Variants in AP4E1 observed in about 807,000 individuals in gnomAD.
AP4E1 encodes the protein AP-4 complex subunit epsilon-1.
A neutral mutation model predicts 128.2 loss-of-function variants in AP4E1; 56 were observed. That is an observed-to-expected ratio of 0.44 (90% CI 0.35 to 0.55). The LOEUF is 0.55. Ranked by LOEUF, AP4E1 falls within the 20% of genes least tolerant of loss-of-function variation. AP4E1 has a pLI of 0.00. For synonymous variants in AP4E1, 484 were observed against 473.1 expected, an observed-to-expected ratio of 1.02 and a Z score of -0.30; for missense variants, 1,324 against 1,307.7, an observed-to-expected ratio of 1.01 and a Z score of -0.19.
intron 17 of AP4E1, among the ~76,000 whole-genome samples, chr15:50,995,605 C>G (rs1411223182): frequency 1.3e-5 from 2 of 151,884 alleles, no homozygotes; most frequent in African/African-American, 4.8e-5. Context: ...AGGCTGGTCT[C>G]AAACTCCCGA....
intron 13 of AP4E1, among the ~76,000 whole-genome samples, chr15:50,956,324 C>T (rs1315209707): frequency 2.0e-5 from 3 of 152,170 alleles, no homozygotes; most frequent in Non-Finnish European, 4.4e-5. Flanking sequence ...CTTCTCTTCT[C>T]TTCCTTCTTA....
chr15:50,996,215 C>G (rs926832249), intron 17 of AP4E1, among the ~76,000 whole-genome samples: 2 of 138,208 alleles, frequency 1.4e-5, no homozygotes, highest in Non-Finnish European at 3.1e-5. Context: ...CCAAGCTGGT[C>G]TTGAACTCCT....
At chr15:50,964,933 TA>T (rs1342331720) in intron 14 of AP4E1, among the ~76,000 whole-genome samples, 1 of 130,196 alleles carries the variant, frequency 7.7e-6, no homozygotes, top group Non-Finnish European at 1.6e-5. Context: ...CTGGTTATTG[TA>T]AAGTATAACA....
intron 3 of AP4E1, among the ~76,000 whole-genome samples, chr15:50,918,716 C>T (rs1227708456): frequency 2.6e-5 from 4 of 152,066 alleles, no homozygotes; most frequent in African/African-American, 9.7e-5. Context: ...CACATTCACT[C>T]TCTTTTATAT....
chr15:50,993,660 G>A, intron 17 of AP4E1, 35 bp downstream of exon 17: 1 of 1,612,950 alleles, frequency 6.2e-7, no homozygotes, highest in Non-Finnish European at 8.5e-7. Context: ...AAGAATCTTT[G>A]TCATCTGTCT....
intron 15 of AP4E1, among the ~76,000 whole-genome samples, chr15:50,974,202 G>A (rs1345346229): frequency 6.6e-6 from 1 of 151,738 alleles, no homozygotes; most frequent in African/African-American, 2.4e-5. Flanking sequence ...CTGACTTCAA[G>A]TGATCCACCT....
chr15:50,915,041 G>T (rs1047891011), intron 2 of AP4E1, among the ~76,000 whole-genome samples: 14 of 152,130 alleles, frequency 9.2e-5, no homozygotes, highest in African/African-American at 3.4e-4. Flanking sequence ...ACCAACTTGT[G>T]GGAATTTTAT....
intron 10 of AP4E1, among the ~76,000 whole-genome samples, chr15:50,946,777 C>A (rs1376901596): frequency 6.6e-6 from 1 of 152,188 alleles, no homozygotes; most frequent in Non-Finnish European, 1.5e-5. Flanking sequence ...AAACCTTAAT[C>A]TAGAGCTGTG....
intron 14 of AP4E1, among the ~76,000 whole-genome samples, chr15:50,962,219 C>G (rs896024486): frequency 1.3e-5 from 2 of 151,896 alleles, no homozygotes; most frequent in African/African-American, 4.8e-5. Flanking sequence ...AATGTACTAT[C>G]AAAATACCAA....
chr15:50,908,696 GC>G lies in AP4E1; in HGVS notation c.-81del. 2 of 1,376,254 alleles carry G rather than the reference GC, an allele frequency of 1.5e-6. No homozygotes were observed. The highest frequency in any genetic ancestry group is 9.4e-7 in the Non-Finnish European group (1 of 1,063,538). The allele number at this position is 1,376,254 out of a possible 1,614,324, so 85.3% of individuals were successfully genotyped here. ...CAAAAAACAGGAAGTGCCTACGGAG[GC>G]CGGGCCGGCAGCGGCGGCCGGGCAT... On this transcript the variant is annotated 5_prime_UTR_variant, in exon 1 of 21. Coordinates refer to ENST00000261842, the MANE Select transcript of AP4E1 (RefSeq NM_007347.5).
intron 16 of AP4E1, among the ~76,000 whole-genome samples, chr15:50,988,215 G>T (rs1490152662): frequency 6.6e-6 from 1 of 152,176 alleles, no homozygotes; most frequent in Non-Finnish European, 1.5e-5. Flanking sequence ...ATTATAAATT[G>T]AAAATATCGT....
chr15:50,938,360 C>G (rs1295642808), intron 8 of AP4E1, among the ~76,000 whole-genome samples: 1 of 152,120 alleles, frequency 6.6e-6, no homozygotes, highest in Non-Finnish European at 1.5e-5. Context: ...TCTATTCCTT[C>G]CAAGCATAGG....
At chr15:50,987,985 T>C (rs2064752098) in intron 16 of AP4E1, among the ~76,000 whole-genome samples, 1 of 152,156 alleles carries the variant, frequency 6.6e-6, no homozygotes, top group African/African-American at 2.4e-5. Flanking sequence ...TTTAGAAGCA[T>C]ATTAGAATTT....
At chr15:50,925,847 A>G (rs1596461940) in intron 5 of AP4E1, among the ~76,000 whole-genome samples, 1 of 149,172 alleles carries the variant, frequency 6.7e-6, no homozygotes, top group Non-Finnish European at 1.5e-5. Context: ...CTGGTCTCGA[A>G]CTCCTGACCT....
At chr15:50,956,179 A>C (rs1044535628) in intron 13 of AP4E1, among the ~76,000 whole-genome samples, 3 of 152,206 alleles carry the variant, frequency 2.0e-5, no homozygotes, top group African/African-American at 7.2e-5. Flanking sequence ...AGAAGCAGAC[A>C]TCCATTACCA....
chr15:50,951,729 T>TC (rs986153629), intron 13 of AP4E1, among the ~76,000 whole-genome samples: 4 of 147,706 alleles, frequency 2.7e-5, no homozygotes, highest in African/African-American at 7.4e-5. Flanking sequence ...TTTCTTTCTT[T>TC]TTTTTTTTTT....
chr15:50,960,157 A>G (rs80143414), intron 14 of AP4E1, among the ~76,000 whole-genome samples: 7,071 of 152,236 alleles, frequency 0.046, 162 homozygotes, highest in African/African-American at 0.071. Flanking sequence ...GAGAGGTAGA[A>G]CCCCATACAG....
intron 3 of AP4E1, chr15:50,918,121 A>G (rs1186652319): frequency 1.3e-5 from 2 of 152,268 alleles, no homozygotes; most frequent in East Asian, 3.9e-4. Context: ...AAAAAGTTAT[A>G]GTATAATGTT....
At chr15:50,979,661 A>T (rs1301225837) in intron 15 of AP4E1, among the ~76,000 whole-genome samples, 1 of 152,086 alleles carries the variant, frequency 6.6e-6, no homozygotes, top group Non-Finnish European at 1.5e-5. Flanking sequence ...AGTAGCTGGG[A>T]TTACAGGCGT....
Sources: gnomAD v4.1 joint callset for allele counts (sites outside exome capture counted in the v4.1 genomes callset) on GRCh38, gnomAD v4.1.1 for gene constraint, MANE v1.5 for transcripts, NCBI Gene and HGNC (gene_info 2026-07-23, HGNC 2026-07-21) for gene names.